Variants in CTIF observed in about 807,000 individuals in gnomAD.
CTIF encodes the protein CBP80/20-dependent translation initiation factor.
CTIF carries 21 observed loss-of-function variants against 66.0 expected under a neutral mutation model. The observed-to-expected ratio is 0.32, with a 90% CI of 0.23 to 0.46. The LOEUF is 0.46. CTIF is among the 20% of genes least tolerant of loss of function. CTIF has a pLI of 1.00. For synonymous variants in CTIF, 345 were observed against 326.4 expected (o/e 1.06, Z -0.62); for missense variants, 739 against 812.7 (o/e 0.91, Z 1.10).
At chr18:48,724,956 AG>A (rs1429583526) in intron 7 of CTIF, among the ~76,000 whole-genome samples, 1 of 152,278 alleles carries the variant, frequency 6.6e-6, no homozygotes, top group African/African-American at 2.4e-5. Flanking sequence ...GGTGGACAAA[AG>A]ATCTAATTTT....
chr18:48,609,902 G>A (rs916551856), intron 1 of CTIF, among the ~76,000 whole-genome samples: 5 of 152,230 alleles, frequency 3.3e-5, no homozygotes. Context: ...CCTTGAGGGT[G>A]TGGGGGGCTG....
At chr18:48,825,070 T>C (rs2068556453) in intron 10 of CTIF, among the ~76,000 whole-genome samples, 1 of 151,998 alleles carries the variant, frequency 6.6e-6, no homozygotes, top group South Asian at 2.1e-4. Flanking sequence ...TACCCATAAT[T>C]CCAACCCTCC....
At chr18:48,545,880 G>GC (rs2088735361) in intron 1 of CTIF, among the ~76,000 whole-genome samples, 1 of 152,012 alleles carries the variant, frequency 6.6e-6, no homozygotes. Context: ...TGTCATGCCG[G>GC]CCGCTGTCGT....
chr18:48,788,280 A>T (rs1911899869), intron 9 of CTIF, among the ~76,000 whole-genome samples: 1 of 152,190 alleles, frequency 6.6e-6, no homozygotes, highest in South Asian at 2.1e-4. Context: ...CTTTGAGTAT[A>T]GAGCTTCATT....
chr18:48,857,525 G>T (rs2069357826), intron 10 of CTIF, 63 bp from the exon 11 acceptor site: 1 of 1,493,004 alleles, frequency 6.7e-7, no homozygotes, highest in African/African-American at 1.4e-5. Context: ...GCTGCAGGGA[G>T]CTACAGGGCC....
chr18:48,764,884 T>G (rs367686054), intron 9 of CTIF, among the ~76,000 whole-genome samples: 1 of 152,210 alleles, frequency 6.6e-6, no homozygotes, highest in South Asian at 2.1e-4. Flanking sequence ...CCCTTTCAGC[T>G]GCCATGGGAA....
rs150338965 is a variant in CTIF at position 48,598,839 on chromosome 18, C to T, written c.-28-20699C>T. On this transcript the variant is annotated intron_variant, in intron 1 of 11. Transcript: ENST00000256413. Reference sequence around the variant, plus strand: ...TATCTTCCTTGCAAGAGACCCAGAACGGAGACACTGTGATTAGTCTCCACC... The same window carrying T: ...TATCTTCCTTGCAAGAGACCCAGAATGGAGACACTGTGATTAGTCTCCACC... Among the ~76,000 whole-genome samples the T allele has an allele frequency of 5.5e-4, 84 of 152,320 alleles. 2 individuals are homozygous for T. In the East Asian group the frequency reaches 0.014, roughly 25 times the overall value.
chr18:48,789,417 C>G (rs1421323841), intron 9 of CTIF, among the ~76,000 whole-genome samples: 1 of 152,150 alleles, frequency 6.6e-6, no homozygotes, highest in Non-Finnish European at 1.5e-5. Flanking sequence ...ACAACCCTGG[C>G]CCTCAATAAG....
intron 9 of CTIF, among the ~76,000 whole-genome samples, chr18:48,773,363 G>C (rs939591343): frequency 1.3e-5 from 2 of 152,222 alleles, no homozygotes; most frequent in Non-Finnish European, 2.9e-5. Context: ...CCAGGCTTAA[G>C]CCTGCCCCTC....
At chr18:48,844,960 G>A (rs2069036521) in intron 10 of CTIF, among the ~76,000 whole-genome samples, 1 of 152,064 alleles carries the variant, frequency 6.6e-6, no homozygotes, top group Non-Finnish European at 1.5e-5. Flanking sequence ...CTCTTCTCCT[G>A]CACTCTGGCA....
rs36232068 is a variant in CTIF, at chr18:48,563,464, TTTTTGTTTTG to T, written c.-29+24167_-29+24176del. Among the ~76,000 whole-genome samples, 637 of 152,270 alleles carry T rather than the reference TTTTTGTTTTG, an allele frequency of 4.2e-3. 4 individuals are homozygous for T. Among genetic ancestry groups the T allele is most frequent in the African/African-American group, 0.013 (553 of 41,546 alleles). ...AGAAGGGTCTCCTGTTCTAAGGTTT[TTTTTGTTTTG>T]TTTTGTTTTGTTTTTTGGACAGATT... On this transcript the variant is annotated intron_variant, in intron 1 of 11. Coordinates refer to ENST00000256413, the MANE Select transcript of CTIF (RefSeq NM_014772.3).
At chr18:48,671,403 G>A (rs569181119) in intron 6 of CTIF, among the ~76,000 whole-genome samples, 22 of 152,264 alleles carry the variant, frequency 1.4e-4, no homozygotes, top group South Asian at 6.2e-4. Flanking sequence ...TGAGTCTGCC[G>A]CTGCCAGTGA....
intron 3 of CTIF, among the ~76,000 whole-genome samples, chr18:48,654,925 G>A (rs967815073): frequency 2.6e-5 from 4 of 151,958 alleles, no homozygotes; most frequent in African/African-American, 9.7e-5. Flanking sequence ...ACTGAACAAT[G>A]AGAACACTTG....
At chr18:48,711,080 A>G (rs1258797092) in intron 6 of CTIF, among the ~76,000 whole-genome samples, 1 of 152,200 alleles carries the variant, frequency 6.6e-6, no homozygotes, top group Non-Finnish European at 1.5e-5. Context: ...TTGGGTAAAA[A>G]TTTCACTGGG....
chr18:48,692,510 A>AAC (rs1351715215), intron 6 of CTIF: 3 of 152,124 alleles, frequency 2.0e-5, no homozygotes, highest in Non-Finnish European at 2.9e-5. Flanking sequence ...TTCTGCTGGG[A>AAC]CATTCTAGAA....
intron 5 of CTIF, among the ~76,000 whole-genome samples, chr18:48,667,505 C>T (rs1208968418): frequency 6.6e-6 from 1 of 152,148 alleles, no homozygotes; most frequent in Non-Finnish European, 1.5e-5. Context: ...GATGGTGCTG[C>T]CTTATTGACT....
chr18:48,649,960 G>A (rs4939790), intron 3 of CTIF, among the ~76,000 whole-genome samples: 87,945 of 152,056 alleles, frequency 0.58, 28,537 homozygotes, highest in East Asian at 0.85. Flanking sequence ...CCACACCAAA[G>A]CCCCATCTGT....
At chr18:48,655,911 CA>C (rs1311068040) in intron 3 of CTIF, among the ~76,000 whole-genome samples, 2 of 152,226 alleles carry the variant, frequency 1.3e-5, no homozygotes, top group African/African-American at 4.8e-5. Context: ...ACTTGCACAG[CA>C]AAAATCACTG....
At chr18:48,664,703 A>G in intron 5 of CTIF, 152 bp downstream of exon 5, 2 of 620,750 alleles carry the variant, frequency 3.2e-6, no homozygotes, top group South Asian at 1.9e-5. Context: ...CTGCAGGCTC[A>G]CTGGCTTCTC....
Sources: gnomAD v4.1 joint callset for allele counts (sites outside exome capture counted in the v4.1 genomes callset) on GRCh38, gnomAD v4.1.1 for gene constraint, MANE v1.5 for transcripts, NCBI Gene and HGNC (gene_info 2026-07-23, HGNC 2026-07-21) for gene names.